EP300: variants seen among roughly 807,000 people sequenced by gnomAD.
EP300 encodes EP300 lysine acetyltransferase, also known as histone acetyltransferase p300.
EP300 carries 31 observed loss-of-function variants against 264.0 expected under a neutral mutation model. That is an observed-to-expected ratio of 0.12 (90% CI 0.09 to 0.16). The LOEUF (loss-of-function observed/expected upper bound fraction) is 0.16. Among genes scored for constraint, EP300 ranks in the 10% least tolerant of loss-of-function variants. The probability of loss-of-function intolerance (pLI) is 1.00; values close to 1 mark genes in which losing one functional copy is unlikely to be tolerated. For missense variants in EP300, 2,766 were observed against 3,052.9 expected, an observed-to-expected ratio of 0.91 and a Z score of 2.21; for synonymous variants, 1,340 against 1,045.4, an observed-to-expected ratio of 1.28 and a Z score of -5.44.
chr22:41,172,578 A>G lies in EP300; in HGVS notation c.4532A>G (p.Asn1511Ser), dbSNP rs763860567. Reference sequence around the variant, plus strand: ...TATTTCGAGGGTGATTTCTGGCCCAATGTTCTGGAAGAAAGCATTAAGGAA... The same window carrying G: ...TATTTCGAGGGTGATTTCTGGCCCAGTGTTCTGGAAGAAAGCATTAAGGAA... ...LPYFEGDFWP[N>S]VLEESIKELE... The change falls in exon 28 of 31, where the codon AAT becomes AGT. Residue 1511 changes from asparagine (N) to serine (S), a missense_variant. Asn to Ser is a conservative substitution (Grantham distance 46). Coordinates refer to ENST00000263253, the MANE Select transcript of EP300 (RefSeq NM_001429.4). 15 of 1,614,038 alleles carry G rather than the reference A, an allele frequency of 9.3e-6. No individual in the cohort carries two copies. The highest frequency in any genetic ancestry group is 1.3e-5 in the African/African-American group (1 of 74,950).
chr22:41,173,632 G>A lies in EP300; in HGVS notation c.4627G>A (p.Gly1543Arg). The A allele has an allele frequency of 2.5e-6, 4 of 1,613,988 alleles. No individual in the cohort carries two copies. The highest frequency in any genetic ancestry group is 2.5e-6 in the Non-Finnish European group (3 of 1,179,986). ...TSNESTDVTK[G>R]DSKNAKKKNN... ...TTGTGCTACTCTGCAGGTGACCAAG[G>A]GAGACAGCAAAAATGCTAAAAAGAA... is the stretch of plus-strand genomic sequence containing the variant. Residue 1543 changes from glycine (G) to arginine (R), a missense_variant, in exon 29 of 31, where the codon GGA (glycine) becomes AGA (arginine). By Grantham distance (125) the Gly-to-Arg change is moderately radical. Coordinates refer to ENST00000263253, the MANE Select transcript of EP300 (RefSeq NM_001429.4).
rs56131556 is a variant in EP300, at chr22:41,167,584, GTATA to G, written c.3875-816_3875-813del. Among the ~76,000 whole-genome samples the G allele has an allele frequency of 7.7e-3, 261 of 34,096 alleles. 3 individuals are homozygous for G. The highest frequency in any genetic ancestry group is 0.018 in the African/African-American group (111 of 6,090). The allele number at this position is 34,096 out of a possible 152,430, so 22.4% of individuals were successfully genotyped here. On this transcript the variant is annotated intron_variant, in intron 23 of 30. Coordinates refer to ENST00000263253, the MANE Select transcript of EP300 (RefSeq NM_001429.4). ...TTTGTGTGTGTGTGTGTGTGTGTGT[GTATA>G]TATATATATATATATATATATATAT...
In EP300 at chr22:41,145,827, G is replaced by A. The variant is rs1042837329; in HGVS notation, c.2054-912G>A. Among the ~76,000 whole-genome samples, 12 of 151,630 alleles carry A rather than the reference G, an allele frequency of 7.9e-5. No individual in the cohort carries two copies. The East Asian group carries it at 1.2e-3, about 15-fold the overall frequency. On this transcript the variant is annotated intron_variant, in intron 10 of 30. Coordinates refer to ENST00000263253, the MANE Select transcript of EP300 (RefSeq NM_001429.4). ...ATTTTTTTGTATTTTTAGTAGAGACGGGTTTCACCGTGCTATCTAGGATGG... is the reference window on the plus strand; with the variant it reads ...ATTTTTTTGTATTTTTAGTAGAGACAGGTTTCACCGTGCTATCTAGGATGG...
chr22:41,111,951 G>A lies in EP300; in HGVS notation c.95-5236G>A, dbSNP rs1486916541. Among the ~76,000 whole-genome samples the A allele has an allele frequency of 3.4e-4, 39 of 114,306 alleles. No homozygotes were observed. The South Asian group carries it at 6.9e-3, about 20-fold the overall frequency. 75.0% of individuals were successfully genotyped at this position (114,306 alleles called of 152,430 possible). A position where few individuals can be genotyped will look rare whatever the true frequency, so the allele number is the denominator to read the frequency against. ...CGCCCAGGCTGGAGTGCAGTGGCGC[G>A]ATGTCCACTCACTGCAAGCTCCGCC... On this transcript the variant is annotated intron_variant, in intron 1 of 30. Coordinates refer to ENST00000263253, the MANE Select transcript of EP300 (RefSeq NM_001429.4).
intron 1 of EP300, among the ~76,000 whole-genome samples, chr22:41,099,371 A>G (rs2058719083): frequency 6.6e-6 from 1 of 152,104 alleles, no homozygotes; most frequent in Admixed American, 6.6e-5. Context: ...GTCCCCCCTT[A>G]TCCTTGCGGG....
At chr22:41,110,893 T>G (rs2058786350) in intron 1 of EP300, among the ~76,000 whole-genome samples, 1 of 152,148 alleles carries the variant, frequency 6.6e-6, no homozygotes, top group African/African-American at 2.4e-5. Context: ...TTCTGTTTAG[T>G]CAGCCTTTAC....
intron 5 of EP300, 35 bp downstream of exon 5, chr22:41,130,038 A>G: frequency 6.5e-7 from 1 of 1,529,544 alleles, no homozygotes; most frequent in Non-Finnish European, 9.0e-7. Flanking sequence ...TTTATATGAA[A>G]AGTTTTAAAG....
intron 14 of EP300, among the ~76,000 whole-genome samples, chr22:41,151,229 AC>A (rs2059042830): frequency 6.6e-6 from 1 of 152,160 alleles, no homozygotes; most frequent in African/African-American, 2.4e-5. Context: ...CCTCTGATAG[AC>A]AAGGAAGGAC....
intron 30 of EP300, 32 bp from the exon 31 acceptor site, chr22:41,176,741 G>C: frequency 6.2e-7 from 1 of 1,613,646 alleles, no homozygotes; most frequent in Non-Finnish European, 8.5e-7. Context: ...AAATCTTGGA[G>C]AGTTTACGTG....
In EP300 at chr22:41,111,783, C is replaced by T. The variant is rs541454048; in HGVS notation, c.95-5404C>T. 7.2e-5 allele frequency among the ~76,000 whole-genome samples: 11 copies of T among 151,892 alleles called. No individual in the cohort carries two copies. In the East Asian group the frequency reaches 2.1e-3, roughly 29 times the overall value. On this transcript the variant is annotated intron_variant, in intron 1 of 30. Transcript: ENST00000263253. Reference sequence around the variant, plus strand: ...TCGAACACCCGACCTCAGGTGAACGCCTGCCTTGGCCTGCTAAAGTGCTGG... The same window carrying T: ...TCGAACACCCGACCTCAGGTGAACGTCTGCCTTGGCCTGCTAAAGTGCTGG...
intron 6 of EP300, among the ~76,000 whole-genome samples, chr22:41,135,537 C>T (rs977657226): frequency 6.6e-6 from 1 of 151,074 alleles, no homozygotes; most frequent in African/African-American, 2.4e-5. Context: ...AGATTACAGG[C>T]GTGAGCCTCT....
At chr22:41,152,633 A>G (rs1211505078) in intron 16 of EP300, among the ~76,000 whole-genome samples, 1 of 151,986 alleles carries the variant, frequency 6.6e-6, no homozygotes, top group Non-Finnish European at 1.5e-5. Context: ...CAGGAGAGAG[A>G]AATGTTTGTA....
chr22:41,125,953 G>C lies in EP300; in HGVS notation c.819G>C (p.Gln273His), dbSNP rs1291106008. 1.2e-6 allele frequency: 2 copies of C among 1,614,214 alleles called. No individual in the cohort carries two copies. The highest frequency in any genetic ancestry group is 1.7e-6 in the Non-Finnish European group (2 of 1,180,030). The change falls in exon 3 of 31, where the codon CAG becomes CAC. Residue 273 changes from glutamine (Q) to histidine (H), a missense_variant. Physicochemically the swap from Gln to His is conservative, Grantham distance 24. Coordinates refer to ENST00000263253, the MANE Select transcript of EP300 (RefSeq NM_001429.4). Reference sequence around the variant, plus strand: ...TTGGAGCCAGTGGCCTTGGTCTCCAGATTCAGACAAAAACTGTACTATCAA... The same window carrying C: ...TTGGAGCCAGTGGCCTTGGTCTCCACATTCAGACAAAAACTGTACTATCAA... ...QQIGASGLGLQIQTKTVLSNN... is the reference protein window; with the variant it reads ...QQIGASGLGLHIQTKTVLSNN...
At chr22:41,169,652 CTA>C (rs775306125) in intron 26 of EP300, 36 bp downstream of exon 26, 2 of 1,219,600 alleles carry the variant, frequency 1.6e-6, no homozygotes, top group Non-Finnish European at 1.2e-6. Flanking sequence ...TTTTCTTTAA[CTA>C]GCATGGCATT....
chr22:41,131,243 C>T, intron 5 of EP300, 145 bp from the exon 6 acceptor site: 2 of 963,368 alleles, frequency 2.1e-6, no homozygotes, highest in South Asian at 1.4e-5. Context: ...AAATTTCTTC[C>T]AGGAAATAAT....
chr22:41,110,915 C>T (rs2058786486), intron 1 of EP300, among the ~76,000 whole-genome samples: 2 of 150,916 alleles, frequency 1.3e-5, no homozygotes. Flanking sequence ...TTTGAGTTTA[C>T]ACCTGTTTTA....
In EP300 at chr22:41,151,970, T is replaced by A. The variant is rs2059048484; in HGVS notation, c.2955T>A (p.Asp985Glu). 7 of 1,614,138 alleles carry A rather than the reference T, an allele frequency of 4.3e-6. No homozygotes were observed. Among genetic ancestry groups the A allele is most frequent in the Non-Finnish European group, 5.9e-6 (7 of 1,180,026 alleles). ...EVKMEAKMEV[D>E]QPEPADTQPE... The stretch of plus-strand genomic sequence containing the variant: ...AGATGGAGGCCAAAATGGAAGTGGA[T>A]CAACCAGAACCAGCAGATACTCAGC... The change falls in exon 15 of 31, where the codon GAT becomes GAA. Residue 985 changes from aspartate (D) to glutamate (E), a missense_variant. By Grantham distance (45) the Asp-to-Glu change is conservative. Transcript: ENST00000263253.
chr22:41,130,085 T>TG (rs2058908792), intron 5 of EP300, 82 bp downstream of exon 5: 1 of 1,001,442 alleles, frequency 1.0e-6, no homozygotes. Flanking sequence ...CTTGATTATG[T>TG]GAGGGACCTG....
At chr22:41,127,355 T>C (rs2058888848) in intron 3 of EP300, 132 bp from the exon 4 acceptor site, 4 of 1,164,666 alleles carry the variant, frequency 3.4e-6, no homozygotes, top group Non-Finnish European at 5.0e-6. Context: ...ATGCATTCCC[T>C]GTGTCAAAAA....
Sources: allele counts gnomAD v4.1 joint callset (sites outside exome capture counted in the v4.1 genomes callset), GRCh38; gene constraint gnomAD v4.1.1; transcripts MANE v1.5; gene names NCBI Gene and HGNC (gene_info 2026-07-23, HGNC 2026-07-21).